Variants in FBXO34 observed in about 807,000 individuals in gnomAD.
FBXO34 encodes the protein F-box protein 34.
In FBXO34, 12 loss-of-function variants were observed where a neutral mutation model predicts 24.5. The ratio of observed to expected loss-of-function variants is 0.49; its 90% confidence interval spans 0.31 to 0.79. The LOEUF is 0.79. FBXO34 is among the 30% of genes least tolerant of loss of function. FBXO34 has a pLI of 0.04. For missense variants in FBXO34, 823 were observed against 857.7 expected (o/e 0.96, Z 0.51); for synonymous variants, 320 against 311.9 (o/e 1.03, Z -0.27).
rs17128399 is a variant in FBXO34, at chr14:55,307,436, C to G, written c.-11+35899C>G. On this transcript the variant is annotated intron_variant, in intron 1 of 1. Transcript: ENST00000313833. ...TTGCTGCTGTTGGCATTTTTTCCCCCACTTCTGTGATTAAACACTTAAGCT... is the reference window on the plus strand; with the variant it reads ...TTGCTGCTGTTGGCATTTTTTCCCCGACTTCTGTGATTAAACACTTAAGCT... Among the ~76,000 whole-genome samples the G allele has an allele frequency of 9.3e-3, 1,423 of 152,310 alleles. 32 individuals are homozygous for G. The highest frequency in any genetic ancestry group is 0.033 in the African/African-American group (1,372 of 41,562).
chr14:55,289,859 TAAA>T (rs750463964), intron 1 of FBXO34, among the ~76,000 whole-genome samples: 1 of 150,216 alleles, frequency 6.7e-6, no homozygotes, highest in African/African-American at 2.4e-5. Flanking sequence ...TGTCTACCTT[TAAA>T]AAAAAAAACA....
chr14:55,273,212 C>G (rs1881217979), intron 1 of FBXO34, among the ~76,000 whole-genome samples: 2 of 151,982 alleles, frequency 1.3e-5, no homozygotes, highest in Admixed American at 1.3e-4. Flanking sequence ...TTCCTGCTCC[C>G]CATTTGCCTT....
At chr14:55,330,132 GA>G (rs1883483282) in intron 1 of FBXO34, among the ~76,000 whole-genome samples, 1 of 152,080 alleles carries the variant, frequency 6.6e-6, no homozygotes, top group Non-Finnish European at 1.5e-5. Flanking sequence ...GTAAACTTGG[GA>G]AATACTACAC....
chr14:55,417,707 C>G, the FBXO34 span, among the ~76,000 whole-genome samples: 1 of 152,118 alleles, frequency 6.6e-6, no homozygotes, highest in African/African-American at 2.4e-5. Context: ...AGTGATCTGC[C>G]CACCTTGGCC....
chr14:55,334,630 C>T (rs1243740473), intron 1 of FBXO34, among the ~76,000 whole-genome samples: 2 of 152,008 alleles, frequency 1.3e-5, no homozygotes, highest in African/African-American at 4.8e-5. Flanking sequence ...TAAAGATGCT[C>T]ACAAAGCAGA....
intron 1 of FBXO34, among the ~76,000 whole-genome samples, chr14:55,336,033 T>TTA (rs951460944): frequency 1.2e-4 from 18 of 152,258 alleles, no homozygotes; most frequent in Middle Eastern, 3.4e-3. Flanking sequence ...ATTTAAATGT[T>TTA]TATATATATA....
intron 1 of FBXO34, among the ~76,000 whole-genome samples, chr14:55,278,285 T>A (rs1488732931): frequency 6.6e-6 from 1 of 152,240 alleles, no homozygotes. Flanking sequence ...ATTCCCTCAC[T>A]GTGACGAAGT....
At chr14:55,388,124 G>A in the FBXO34 span, among the ~76,000 whole-genome samples, 1,011 of 152,268 alleles carry the variant, frequency 6.6e-3, 9 homozygotes, top group Middle Eastern at 0.027. Flanking sequence ...GCGAAAGAGC[G>A]AGACTCCATC....
At chr14:55,426,400 T>G in the FBXO34 span, among the ~76,000 whole-genome samples, 27 of 152,332 alleles carry the variant, frequency 1.8e-4, no homozygotes, top group African/African-American at 6.0e-4. Flanking sequence ...TATTAAATGT[T>G]GACATACAAA....
At chr14:55,437,779 T>C in the FBXO34 span, among the ~76,000 whole-genome samples, 1 of 152,232 alleles carries the variant, frequency 6.6e-6, no homozygotes, top group Non-Finnish European at 1.5e-5. Flanking sequence ...AAGTTTAAGA[T>C]ATAGTTGAAT....
At chr14:55,402,958 TATATATATATAA>T in the FBXO34 span, among the ~76,000 whole-genome samples, 219 of 58,770 alleles carry the variant, frequency 3.7e-3, 6 homozygotes, top group Non-Finnish European at 6.0e-3. Flanking sequence ...TATATATATA[TATATATATATAA>T]ATAGCTGGGC....
the FBXO34 span, among the ~76,000 whole-genome samples, chr14:55,415,048 TCAAA>T: frequency 2.6e-5 from 4 of 152,202 alleles, no homozygotes; most frequent in African/African-American, 4.8e-5. Context: ...AAAACATGAA[TCAAA>T]CAGTCTCCAC....
chr14:55,326,309 G>A (rs574007883), intron 1 of FBXO34, among the ~76,000 whole-genome samples: 1 of 152,256 alleles, frequency 6.6e-6, no homozygotes, highest in South Asian at 2.1e-4. Context: ...GAAGATCTGG[G>A]GGACTAGATA....
chr14:55,297,567 G>A (rs1882183357), intron 1 of FBXO34, among the ~76,000 whole-genome samples: 1 of 152,218 alleles, frequency 6.6e-6, no homozygotes, highest in South Asian at 2.1e-4. Flanking sequence ...AAACGATTAT[G>A]TGATTTAGAT....
At chr14:55,304,545 G>A (rs112815650) in intron 1 of FBXO34, among the ~76,000 whole-genome samples, 8,837 of 152,096 alleles carry the variant, frequency 0.058, 328 homozygotes, top group South Asian at 0.089. Context: ...CTGTCACTCA[G>A]GCTGGAGTGC....
At chr14:55,357,690 G>T (rs747789153), downstream of FBXO34, among the ~76,000 whole-genome samples, 1 of 152,178 alleles carries the variant, frequency 6.6e-6, no homozygotes, top group Non-Finnish European at 1.5e-5. Flanking sequence ...GCACACACCT[G>T]TAGCCCCTGC....
intron 1 of FBXO34, chr14:55,299,321 C>A: frequency 1.6e-6 from 1 of 625,840 alleles, no homozygotes; most frequent in East Asian, 2.7e-5. Context: ...TCTCGACTCT[C>A]ACTCCAAAGC....
downstream of FBXO34, among the ~76,000 whole-genome samples, chr14:55,365,893 C>T (rs1269475578): frequency 6.6e-6 from 1 of 152,122 alleles, no homozygotes; most frequent in Non-Finnish European, 1.5e-5. Context: ...TCCTTCTCTA[C>T]AATAATCTAA....
the FBXO34 span, among the ~76,000 whole-genome samples, chr14:55,375,791 TC>T: frequency 6.6e-6 from 1 of 152,218 alleles, no homozygotes; most frequent in East Asian, 1.9e-4. Context: ...GGCAAGGCCT[TC>T]AGAGCTGTTA....
Sources: gnomAD v4.1 joint callset for allele counts (sites outside exome capture counted in the v4.1 genomes callset) on GRCh38, gnomAD v4.1.1 for gene constraint, MANE v1.5 for transcripts, NCBI Gene and HGNC (gene_info 2026-07-23, HGNC 2026-07-21) for gene names.